NRXN1: variants seen among roughly 807,000 people sequenced by gnomAD.
The protein encoded by NRXN1 is neurexin 1.
NRXN1 carries 39 observed loss-of-function variants against 150.9 expected under a neutral mutation model. The ratio of observed to expected loss-of-function variants is 0.26; its 90% confidence interval spans 0.20 to 0.34. NRXN1 has a LOEUF of 0.34. Among genes scored for constraint, NRXN1 ranks in the 10% least tolerant of loss-of-function variants. The probability of loss-of-function intolerance (pLI) is 1.00; values close to 1 mark genes in which losing one functional copy is unlikely to be tolerated. For missense variants in NRXN1, 1,815 were observed against 1,949.9 expected (o/e 0.93, Z 1.30); for synonymous variants, 924 against 757.0 (o/e 1.22, Z -3.62).
intron 18 of NRXN1, among the ~76,000 whole-genome samples, chr2:50,190,457 TA>T (rs1187295948): frequency 6.6e-6 from 1 of 152,118 alleles, no homozygotes; most frequent in African/African-American, 2.4e-5. Context: ...GCAATCATCA[TA>T]AAAAAGTTAT....
At chr2:50,067,647 A>G (rs569762425) in intron 19 of NRXN1, among the ~76,000 whole-genome samples, 1 of 152,340 alleles carries the variant, frequency 6.6e-6, no homozygotes, top group Admixed American at 6.5e-5. Context: ...GTTGTGTAGC[A>G]TTTAAGACAG....
intron 17 of NRXN1, among the ~76,000 whole-genome samples, chr2:50,452,178 A>G (rs1054224551): frequency 6.6e-6 from 1 of 152,214 alleles, no homozygotes; most frequent in African/African-American, 2.4e-5. Flanking sequence ...TGCTGAAAAG[A>G]GGAAGACATC....
At chr2:50,765,467 T>A (rs1702275763) in intron 5 of NRXN1, among the ~76,000 whole-genome samples, 1 of 152,048 alleles carries the variant, frequency 6.6e-6, no homozygotes, top group Admixed American at 6.6e-5. Flanking sequence ...TTGTCATCCC[T>A]CTTTCTGCCC....
In NRXN1 at chr2:50,552,999, C is replaced by T. The variant is rs769308668; in HGVS notation, c.1347G>A (p.Arg449=). The change falls in exon 9 of 23, where the codon AGG becomes AGA. Residue 449 remains arginine (R), a synonymous_variant. Coordinates refer to ENST00000401669, the MANE Select transcript of NRXN1 (RefSeq NM_001330078.2). The part of the protein sequence containing the change: ...KEVVYKNNDV[R]LELSRLAKQG... ...GCTTGGCAAGTCGAGATAATTCCAGCCTCACATCATTATTTTTATATACAA... is the reference window on the plus strand; with the variant it reads ...GCTTGGCAAGTCGAGATAATTCCAGTCTCACATCATTATTTTTATATACAA... 6.2e-7 allele frequency: 1 copy of T among 1,610,690 alleles called. No individual in the cohort carries two copies. The highest frequency in any genetic ancestry group is 2.2e-5 in the East Asian group (1 of 44,854).
At chr2:50,842,752 C>T (rs905698440) in intron 5 of NRXN1, among the ~76,000 whole-genome samples, 2 of 152,006 alleles carry the variant, frequency 1.3e-5, no homozygotes, top group African/African-American at 4.8e-5. Context: ...TCATAGAACC[C>T]CTTCAATTAT....
At chr2:50,860,060 C>A (rs1376359894) in intron 5 of NRXN1, among the ~76,000 whole-genome samples, 1 of 151,884 alleles carries the variant, frequency 6.6e-6, no homozygotes, top group East Asian at 1.9e-4. Flanking sequence ...GGAAAATTAT[C>A]CTCATTCTTG....
intron 5 of NRXN1, among the ~76,000 whole-genome samples, chr2:50,850,543 C>T (rs534187331): frequency 1.1e-4 from 16 of 152,090 alleles, no homozygotes; most frequent in African/African-American, 3.9e-4. Flanking sequence ...GCAGCCAGCA[C>T]CACGCTATCA....
At chr2:50,284,821 C>A (rs560897031) in intron 17 of NRXN1, among the ~76,000 whole-genome samples, 19 of 151,964 alleles carry the variant, frequency 1.3e-4, no homozygotes, top group Non-Finnish European at 2.2e-4. Flanking sequence ...TTCAGTAACA[C>A]CTTGCTTAAC....
intron 17 of NRXN1, among the ~76,000 whole-genome samples, chr2:50,329,192 C>T (rs570813153): frequency 1.3e-5 from 2 of 152,126 alleles, no homozygotes; most frequent in African/African-American, 4.8e-5. Context: ...CTAACAACAT[C>T]AATAAAGAAT....
intron 22 of NRXN1, among the ~76,000 whole-genome samples, 182 bp downstream of exon 22, chr2:49,943,522 G>T (rs1672363855): frequency 6.6e-6 from 1 of 152,050 alleles, no homozygotes; most frequent in African/African-American, 2.4e-5. Context: ...GGCATGTTTT[G>T]TTTTTAATTT....
At chr2:50,978,532 T>C (rs910493850) in intron 2 of NRXN1, among the ~76,000 whole-genome samples, 2 of 151,600 alleles carry the variant, frequency 1.3e-5, no homozygotes, top group African/African-American at 2.4e-5. Flanking sequence ...TTCCAACTTC[T>C]GATACTGTAA....
chr2:50,014,373 A>T (rs1686223524), intron 21 of NRXN1, among the ~76,000 whole-genome samples: 1 of 152,090 alleles, frequency 6.6e-6, no homozygotes, highest in Non-Finnish European at 1.5e-5. Flanking sequence ...CTTGTGTTTA[A>T]TCCAGGATTT....
chr2:50,295,324 A>G (rs1160798295), intron 17 of NRXN1, among the ~76,000 whole-genome samples: 2 of 152,214 alleles, frequency 1.3e-5, no homozygotes, highest in African/African-American at 4.8e-5. Context: ...ATGAAAATCT[A>G]TCCCAAGTCC....
chr2:50,495,809 G>A (rs2091572107), intron 15 of NRXN1, 96 bp downstream of exon 15: 7 of 1,021,686 alleles, frequency 6.9e-6, no homozygotes, highest in Non-Finnish European at 9.6e-6. Flanking sequence ...GTCAGTCTTT[G>A]CAGAAGGTAC....
At chr2:50,109,246 A>G (rs538145932) in intron 18 of NRXN1, among the ~76,000 whole-genome samples, 13 of 152,140 alleles carry the variant, frequency 8.5e-5, no homozygotes, top group Non-Finnish European at 1.6e-4. Context: ...TATATTTGTA[A>G]TCTTGAACAA....
chr2:50,855,743 G>A (rs1428521801), intron 5 of NRXN1, among the ~76,000 whole-genome samples: 1 of 151,972 alleles, frequency 6.6e-6, no homozygotes, highest in African/African-American at 2.4e-5. Context: ...AAAGAGGAAA[G>A]GACAAACATT....
At chr2:50,248,130 A>T (rs1486738242) in intron 17 of NRXN1, among the ~76,000 whole-genome samples, 3 of 152,016 alleles carry the variant, frequency 2.0e-5, no homozygotes, top group Non-Finnish European at 4.4e-5. Context: ...CTCCCATCTC[A>T]GCCTCCTGAG....
intron 2 of NRXN1, among the ~76,000 whole-genome samples, chr2:50,988,900 A>C (rs1455992434): frequency 6.6e-6 from 1 of 151,984 alleles, no homozygotes; most frequent in South Asian, 2.1e-4. Context: ...GGGGAGATCA[A>C]GTGAGATCAC....
At chr2:50,516,390 T>C (rs1191435923) in intron 12 of NRXN1, among the ~76,000 whole-genome samples, 1 of 152,184 alleles carries the variant, frequency 6.6e-6, no homozygotes, top group Non-Finnish European at 1.5e-5. Flanking sequence ...TTATTTATTT[T>C]TGATGCTTCC....
Sources: allele counts gnomAD v4.1 joint callset (sites outside exome capture counted in the v4.1 genomes callset), GRCh38; gene constraint gnomAD v4.1.1; transcripts MANE v1.5; gene names NCBI Gene and HGNC (gene_info 2026-07-23, HGNC 2026-07-21).